The following DSCAM variants were observed in gnomAD, a reference collection of about 807,000 sequenced individuals.
The protein encoded by DSCAM is DS cell adhesion molecule.
In DSCAM, 47 loss-of-function variants were observed where a neutral mutation model predicts 217.7. The observed-to-expected ratio is 0.22, with a 90% CI of 0.17 to 0.28. DSCAM has a LOEUF of 0.28. Ranked by LOEUF, DSCAM falls within the 10% of genes least tolerant of loss-of-function variation. The pLI is 1.00. For synonymous variants in DSCAM, 1,056 were observed against 1,015.3 expected, an observed-to-expected ratio of 1.04 and a Z score of -0.76; for missense variants, 2,080 against 2,618.3, an observed-to-expected ratio of 0.79 and a Z score of 4.49.
At chr21:40,167,697 A>C (rs1338238571) in intron 15 of DSCAM, among the ~76,000 whole-genome samples, 1 of 152,206 alleles carries the variant, frequency 6.6e-6, no homozygotes, top group Non-Finnish European at 1.5e-5. Context: ...TTCTCAATTG[A>C]TTAGAATGAC....
chr21:40,308,165 T>G (rs2074100267), intron 9 of DSCAM, among the ~76,000 whole-genome samples: 1 of 152,214 alleles, frequency 6.6e-6, no homozygotes, highest in Non-Finnish European at 1.5e-5. Flanking sequence ...GTTTATTGAA[T>G]GCAGTACATT....
intron 3 of DSCAM, among the ~76,000 whole-genome samples, chr21:40,684,332 C>G (rs1002462416): frequency 1.3e-5 from 2 of 152,222 alleles, no homozygotes; most frequent in Non-Finnish European, 2.9e-5. Context: ...CGGGGTGGCT[C>G]CTAGACTGAG....
At chr21:40,150,378 A>G (rs563699100) in intron 16 of DSCAM, among the ~76,000 whole-genome samples, 1 of 152,366 alleles carries the variant, frequency 6.6e-6, no homozygotes, top group East Asian at 1.9e-4. Flanking sequence ...GCAAGCAAAA[A>G]TTCTTTATCA....
intron 11 of DSCAM, among the ~76,000 whole-genome samples, chr21:40,254,991 AG>A (rs2073352423): frequency 6.6e-6 from 1 of 152,128 alleles, no homozygotes; most frequent in Non-Finnish European, 1.5e-5. Context: ...GTGTGGGTAA[AG>A]GCCCCCTGGT....
chr21:40,578,979 T>C (rs892875561), intron 3 of DSCAM, among the ~76,000 whole-genome samples: 3 of 152,108 alleles, frequency 2.0e-5, no homozygotes, highest in Admixed American at 6.5e-5. Flanking sequence ...ATGATGTAAA[T>C]TGAAACCCAC....
intron 1 of DSCAM, among the ~76,000 whole-genome samples, chr21:40,752,610 C>G (rs1220465044): frequency 6.6e-6 from 1 of 152,068 alleles, no homozygotes; most frequent in Non-Finnish European, 1.5e-5. Context: ...GCACCTGAGC[C>G]CAGGAGTTTG....
intron 4 of DSCAM, among the ~76,000 whole-genome samples, chr21:40,364,554 G>T (rs12626730): frequency 6.6e-6 from 1 of 150,734 alleles, no homozygotes; most frequent in Non-Finnish European, 1.5e-5. Flanking sequence ...GGGAGGGATA[G>T]CACTGGGAGA....
intron 32 of DSCAM, among the ~76,000 whole-genome samples, chr21:40,020,528 TGTGA>T (rs771732994): frequency 2.5e-4 from 37 of 149,736 alleles, no homozygotes; most frequent in South Asian, 6.3e-4. Context: ...TGTGTGTGTG[TGTGA>T]GAGAGAGAGA....
In DSCAM at chr21:40,659,150, A is replaced by AGTC. The variant is rs2090108843; in HGVS notation, c.508+33657_508+33659dup. Among the ~76,000 whole-genome samples, 4 of 152,308 alleles carry AGTC rather than the reference A, an allele frequency of 2.6e-5. 1 individual carries two copies. In the South Asian group the frequency reaches 8.3e-4, roughly 32 times the overall value. On this transcript the variant is annotated intron_variant, in intron 3 of 32. Transcript: ENST00000400454. Reference sequence around the variant, plus strand: ...TGTGCCTCCAAGGGTCAAAAAAAATAGTCGTGTTTCTAACTATTTGATAAA... The same window carrying AGTC: ...TGTGCCTCCAAGGGTCAAAAAAAATAGTCGTCGTGTTTCTAACTATTTGATAAA...
chr21:40,736,757 C>G (rs2091067564), intron 1 of DSCAM, among the ~76,000 whole-genome samples: 1 of 152,108 alleles, frequency 6.6e-6, no homozygotes, highest in Non-Finnish European at 1.5e-5. Flanking sequence ...TTGTCAAGCC[C>G]AAGCTTCTTT....
At chr21:40,173,606 G>T (rs73230315) in intron 15 of DSCAM, among the ~76,000 whole-genome samples, 6 of 152,200 alleles carry the variant, frequency 3.9e-5, no homozygotes, top group Non-Finnish European at 8.8e-5. Context: ...CATTGATGCC[G>T]CCCTCTGCAC....
intron 3 of DSCAM, among the ~76,000 whole-genome samples, chr21:40,389,115 C>G (rs189792694): frequency 6.2e-4 from 94 of 152,272 alleles, no homozygotes; most frequent in Admixed American, 1.3e-3. Flanking sequence ...TTGCTCTCTT[C>G]TTGAGAGTAC....
chr21:40,155,189 G>A (rs776816362), intron 16 of DSCAM, among the ~76,000 whole-genome samples: 2 of 152,172 alleles, frequency 1.3e-5, no homozygotes, highest in African/African-American at 2.4e-5. Context: ...CAGCCACAGA[G>A]GCCTATCAGT....
intron 11 of DSCAM, among the ~76,000 whole-genome samples, chr21:40,252,217 A>G (rs1046815801): frequency 3.3e-5 from 5 of 152,194 alleles, no homozygotes; most frequent in African/African-American, 1.2e-4. Context: ...AATCTGTGAT[A>G]ATTAGTTACA....
chr21:40,755,128 AT>A (rs1443830437), intron 1 of DSCAM, among the ~76,000 whole-genome samples: 5 of 152,028 alleles, frequency 3.3e-5, no homozygotes, highest in Non-Finnish European at 5.9e-5. Context: ...ACATGGAGAG[AT>A]TTGGGGGATA....
chr21:40,704,692 G>C (rs571791763), intron 2 of DSCAM, among the ~76,000 whole-genome samples: 1 of 152,186 alleles, frequency 6.6e-6, no homozygotes, highest in Non-Finnish European at 1.5e-5. Flanking sequence ...CTCCGACCTG[G>C]ACAAGAGAGG....
chr21:40,370,954 A>T (rs1263380900), intron 3 of DSCAM, among the ~76,000 whole-genome samples: 1 of 152,224 alleles, frequency 6.6e-6, no homozygotes, highest in Non-Finnish European at 1.5e-5. Flanking sequence ...CCTAAAAATG[A>T]TTTATGAATT....
chr21:40,035,218 G>A lies in DSCAM; in HGVS notation c.5686+7153C>T, dbSNP rs1234615846. Among the ~76,000 whole-genome samples, 3 of 115,768 alleles carry A rather than the reference G, an allele frequency of 2.6e-5. 1 individual carries two copies. Among genetic ancestry groups the A allele is most frequent in the African/African-American group, 1.1e-4 (3 of 27,436 alleles). The allele number at this position is 115,768 out of a possible 152,430, so 75.9% of individuals were successfully genotyped here. A position where few individuals can be genotyped will look rare whatever the true frequency, so the allele number is the denominator to read the frequency against. On this transcript the variant is annotated intron_variant, in intron 32 of 32. Transcript: ENST00000400454. Reference sequence around the variant, plus strand: ...TGCTCCAATTAAAAGACACAGTCTGGCAAATTGGATAAAGAGTCAAGACCC... The same window carrying A: ...TGCTCCAATTAAAAGACACAGTCTGACAAATTGGATAAAGAGTCAAGACCC...
chr21:40,626,989 G>T (rs1355063842), intron 3 of DSCAM, among the ~76,000 whole-genome samples: 1 of 152,144 alleles, frequency 6.6e-6, no homozygotes, highest in African/African-American at 2.4e-5. Context: ...AAAATTAACT[G>T]GGAATCTGGT....
Sources: gnomAD v4.1 joint callset for allele counts (sites outside exome capture counted in the v4.1 genomes callset) on GRCh38, gnomAD v4.1.1 for gene constraint, MANE v1.5 for transcripts, NCBI Gene and HGNC (gene_info 2026-07-23, HGNC 2026-07-21) for gene names.